The following SYT16 variants were observed in gnomAD, a reference collection of about 807,000 sequenced individuals.
SYT16 encodes synaptotagmin-16.
Under a neutral mutation model 61.4 loss-of-function variants are expected in SYT16, and 42 were observed. The observed-to-expected ratio is 0.68, with a 90% CI of 0.53 to 0.89. SYT16 has a LOEUF of 0.89. Ranked by LOEUF, SYT16 falls within the 40% of genes least tolerant of loss-of-function variation. The pLI is 0.00. For synonymous variants in SYT16, 314 were observed against 302.3 expected (o/e 1.04, Z -0.40); for missense variants, 804 against 807.3 (o/e 1.00, Z 0.05).
chr14:61,993,339 T>A (rs1457897244), intron 2 of SYT16, among the ~76,000 whole-genome samples: 1 of 151,988 alleles, frequency 6.6e-6, no homozygotes, highest in Non-Finnish European at 1.5e-5. Flanking sequence ...TAGATCCAGA[T>A]TGATGGGTGC....
intron 1 of SYT16, among the ~76,000 whole-genome samples, chr14:61,863,821 T>A (rs2047040790): frequency 6.6e-6 from 1 of 152,194 alleles, no homozygotes; most frequent in Admixed American, 6.5e-5. Context: ...TTCATTTTTT[T>A]TTTGCATATC....
chr14:62,096,348 T>C (rs1424584420), intron 7 of SYT16, among the ~76,000 whole-genome samples: 4 of 152,238 alleles, frequency 2.6e-5, no homozygotes, highest in African/African-American at 9.6e-5. Context: ...GTCATTCACT[T>C]CTAGGTATAT....
In SYT16 at chr14:61,983,749, A is replaced by G. The variant is rs865902182; in HGVS notation, c.-144-12127A>G. Among the ~76,000 whole-genome samples the G allele has an allele frequency of 5.9e-5, 9 of 152,254 alleles. 1 individual carries two copies. The South Asian group carries it at 1.9e-3, about 32-fold the overall frequency. On this transcript the variant is annotated intron_variant, in intron 2 of 7. Transcript: ENST00000683842. ...CACTATGTTGCCTAGGCTGGTCTCG[A>G]ATTCCTGGCCTCAAGGAGTCCTCCT... is the stretch of plus-strand genomic sequence containing the variant.
intron 1 of SYT16, among the ~76,000 whole-genome samples, chr14:61,881,689 G>C (rs761633517): frequency 6.6e-6 from 1 of 152,172 alleles, no homozygotes; most frequent in Admixed American, 6.5e-5. Context: ...AGTGTTGACA[G>C]TAGATTGACA....
At chr14:61,951,234 T>C (rs531219518) in intron 1 of SYT16, among the ~76,000 whole-genome samples, 14 of 152,342 alleles carry the variant, frequency 9.2e-5, no homozygotes, top group African/African-American at 3.4e-4. Context: ...AAGTTTGGGA[T>C]TGAATGGGTC....
At position 62,078,155 on chromosome 14, in the gene SYT16, C is replaced by CTATATA. The variant is rs374965535; in HGVS notation, c.994-2668_994-2663dup. ...GCTCTCTCGCTCTCTCTCTCTCTCT[C>CTATATA]TATATATATATATATAAACACACAC... On this transcript the variant is annotated intron_variant, in intron 5 of 7. Transcript: ENST00000683842. Among the ~76,000 whole-genome samples the CTATATA allele has an allele frequency of 9.8e-3, 1,327 of 135,888 alleles. 7 individuals carry two copies. The highest frequency in any genetic ancestry group is 0.023 in the Middle Eastern group (6 of 260). The allele number at this position is 135,888 out of a possible 152,430, so 89.1% of individuals were successfully genotyped here. A position where few individuals can be genotyped will look rare whatever the true frequency, so the allele number is the denominator to read the frequency against.
downstream of SYT16, among the ~76,000 whole-genome samples, chr14:62,112,720 T>C (rs2057627362): frequency 6.6e-6 from 1 of 152,200 alleles, no homozygotes; most frequent in South Asian, 2.1e-4. Flanking sequence ...GCATTACATG[T>C]ATGATCCATA....
At chr14:62,017,620 A>G (rs1459245021) in intron 3 of SYT16, among the ~76,000 whole-genome samples, 4 of 151,852 alleles carry the variant, frequency 2.6e-5, no homozygotes, top group Non-Finnish European at 1.5e-5. Flanking sequence ...TCCATCAGCA[A>G]CTCTGGTTGG....
chr14:61,991,362 G>GTGTT (rs370134860), intron 2 of SYT16, among the ~76,000 whole-genome samples: 2 of 150,996 alleles, frequency 1.3e-5, no homozygotes, highest in African/African-American at 4.9e-5. Context: ...GTGTGTGTGT[G>GTGTT]TTTTCTAAAA....
At chr14:61,986,312 T>C (rs1178577095) in intron 2 of SYT16, among the ~76,000 whole-genome samples, 2 of 151,830 alleles carry the variant, frequency 1.3e-5, no homozygotes, top group African/African-American at 4.8e-5. Context: ...AATGCCAAAT[T>C]TATGATGTCT....
chr14:61,883,833 C>T (rs1005599409), intron 1 of SYT16, among the ~76,000 whole-genome samples: 2 of 152,172 alleles, frequency 1.3e-5, no homozygotes, highest in Non-Finnish European at 2.9e-5. Context: ...AAGAAACTTA[C>T]AATCATGGCG....
intron 1 of SYT16, among the ~76,000 whole-genome samples, chr14:61,901,593 T>C (rs1019558600): frequency 6.6e-6 from 1 of 152,116 alleles, no homozygotes; most frequent in African/African-American, 2.4e-5. Flanking sequence ...TAATTCTGGG[T>C]TCCCCCTGTA....
intron 1 of SYT16, among the ~76,000 whole-genome samples, chr14:61,892,548 G>A (rs75303630): frequency 0.036 from 5,458 of 152,190 alleles, 333 homozygotes; most frequent in African/African-American, 0.12. Context: ...GTGGTGACCT[G>A]CCTGCTGCTC....
At chr14:62,047,416 G>T (rs997695381) in intron 3 of SYT16, among the ~76,000 whole-genome samples, 1 of 152,184 alleles carries the variant, frequency 6.6e-6, no homozygotes, top group African/African-American at 2.4e-5. Context: ...CATGTCATCT[G>T]CAAACAGGGA....
intron 1 of SYT16, among the ~76,000 whole-genome samples, chr14:61,903,257 A>G (rs998791239): frequency 6.6e-6 from 1 of 151,106 alleles, no homozygotes; most frequent in African/African-American, 2.4e-5. Flanking sequence ...TTAAGTCTTC[A>G]TTATGTCTTT....
chr14:61,964,556 A>G (rs769802281), intron 1 of SYT16, among the ~76,000 whole-genome samples: 58 of 152,186 alleles, frequency 3.8e-4, no homozygotes, highest in Non-Finnish European at 2.1e-4. Context: ...TTGAGATAGA[A>G]TCCACTCCTA....
chr14:61,938,364 C>A (rs549346425), intron 1 of SYT16, among the ~76,000 whole-genome samples: 1 of 151,986 alleles, frequency 6.6e-6, no homozygotes, highest in African/African-American at 2.4e-5. Context: ...GCCCAGCTTG[C>A]CAGATACGAG....
chr14:62,001,545 G>T (rs1342626146), intron 3 of SYT16, among the ~76,000 whole-genome samples: 1 of 152,018 alleles, frequency 6.6e-6, no homozygotes, highest in East Asian at 1.9e-4. Flanking sequence ...AGGAGTGTTT[G>T]TGCATGGACA....
rs58613759 is a variant in SYT16 at position 61,852,562 on chromosome 14, T to C, written c.-325+39752T>C. ...CTCCTATCCAAGAGCATGGAATGTT[T>C]CTCTATTTATTTGTGTCCTCTCTGA... is the stretch of plus-strand genomic sequence containing the variant. On this transcript the variant is annotated intron_variant, in intron 1 of 7. Coordinates refer to ENST00000683842, the MANE Select transcript of SYT16 (RefSeq NM_001367656.1). Among the ~76,000 whole-genome samples the C allele has an allele frequency of 5.8e-3, 877 of 152,320 alleles. 5 individuals carry two copies. The highest frequency in any genetic ancestry group is 0.02 in the African/African-American group (832 of 41,562).
Sources: gnomAD v4.1 joint callset for allele counts (sites outside exome capture counted in the v4.1 genomes callset) on GRCh38, gnomAD v4.1.1 for gene constraint, MANE v1.5 for transcripts, NCBI Gene and HGNC (gene_info 2026-07-23, HGNC 2026-07-21) for gene names.